Variants in DOCK2 observed in about 807,000 individuals in gnomAD.
DOCK2 encodes the protein dedicator of cytokinesis 2, also known as dedicator of cytokinesis protein 2.
DOCK2 carries 87 observed loss-of-function variants against 248.9 expected under a neutral mutation model. The observed-to-expected ratio is 0.35, with a 90% CI of 0.29 to 0.42. The LOEUF (loss-of-function observed/expected upper bound fraction) is 0.42, where lower values mean the gene tolerates loss of function less well. DOCK2 is among the 10% of genes least tolerant of loss of function. The pLI, the probability that DOCK2 is intolerant of heterozygous loss-of-function variation, is 1.00. For missense variants in DOCK2, 1,747 were observed against 2,300.2 expected (o/e 0.76, Z 4.92); for synonymous variants, 805 against 821.6 (o/e 0.98, Z 0.35).
At chr5:169,985,741 A>G in intron 28 of DOCK2, 87 bp from the exon 29 acceptor site, 4 of 1,142,514 alleles carry the variant, frequency 3.5e-6, no homozygotes, top group Non-Finnish European at 4.9e-6. Flanking sequence ...TCCCTCCAAA[A>G]TATAATAGCA....
chr5:170,018,992 G>A lies in DOCK2; in HGVS notation c.3265G>A (p.Val1089Ile). Residue 1089 changes from valine (V) to isoleucine (I), a missense_variant, in exon 33 of 52, where the codon GTA becomes ATA. Physicochemically the swap from Val to Ile is conservative, Grantham distance 29. This residue lies in a region of DOCK2 where 858 missense variants were observed against 1,183.5 expected (regional missense o/e 0.72). Coordinates refer to ENST00000520908, the MANE Select transcript of DOCK2 (RefSeq NM_004946.3). ...CAAAATCTGCTTCATCCCAGGCATG[G>A]TAGGACCTATATTAGAGATGACACT... ...QNKICFIPGMVGPILEMTLIP... is the reference protein window; with the variant it reads ...QNKICFIPGMIGPILEMTLIP... The A allele has an allele frequency of 2.5e-6, 4 of 1,614,052 alleles. No homozygotes were observed. Among genetic ancestry groups the A allele is most frequent in the Non-Finnish European group, 3.4e-6 (4 of 1,179,958 alleles).
chr5:169,691,856 T>TATTC (rs1760321293), intron 9 of DOCK2, among the ~76,000 whole-genome samples: 1 of 130,542 alleles, frequency 7.7e-6, no homozygotes, highest in Non-Finnish European at 1.5e-5. Flanking sequence ...TTTATTTATT[T>TATTC]TTATTTATTT....
intron 8 of DOCK2, among the ~76,000 whole-genome samples, chr5:169,686,186 G>T (rs1759969458): frequency 6.6e-6 from 1 of 152,164 alleles, no homozygotes; most frequent in African/African-American, 2.4e-5. Context: ...AGGCTCACTG[G>T]CTGCAGTTTC....
chr5:169,714,885 A>G (rs956076344), intron 19 of DOCK2, among the ~76,000 whole-genome samples: 1 of 152,188 alleles, frequency 6.6e-6, no homozygotes, highest in Non-Finnish European at 1.5e-5. Flanking sequence ...ATAAATGGTA[A>G]TTATTATTTT....
intron 27 of DOCK2, among the ~76,000 whole-genome samples, chr5:169,954,105 A>T (rs565499844): frequency 1.5e-3 from 228 of 152,356 alleles, no homozygotes; most frequent in Non-Finnish European, 2.8e-3. Flanking sequence ...TTTATCAAAC[A>T]TACTGAAAGT....
intron 33 of DOCK2, among the ~76,000 whole-genome samples, chr5:170,025,682 G>A (rs906598728): frequency 1.3e-5 from 2 of 152,156 alleles, no homozygotes; most frequent in Admixed American, 1.3e-4. Context: ...TTGACAGGAT[G>A]CACCATAGAA....
At chr5:170,031,356 C>T (rs1045566017) in intron 34 of DOCK2, among the ~76,000 whole-genome samples, 3 of 152,180 alleles carry the variant, frequency 2.0e-5, no homozygotes, top group Admixed American at 2.0e-4. Context: ...GATCCTCCCT[C>T]TAAAAGCCTC....
chr5:169,837,635 C>T (rs1221409719), intron 26 of DOCK2, among the ~76,000 whole-genome samples: 1 of 152,104 alleles, frequency 6.6e-6, no homozygotes, highest in Non-Finnish European at 1.5e-5. Context: ...GTTTATTCCT[C>T]AAACCAGTAA....
rs1763864732 is a variant in DOCK2 at position 169,750,981 on chromosome 5, A to G, written c.2376+3477A>G. On this transcript the variant is annotated intron_variant, in intron 23 of 51. Transcript: ENST00000520908. The stretch of plus-strand genomic sequence containing the variant: ...TTTGACCAGAGAGATGTGGACATGT[A>G]GCCTTAGGCACATCGTTTCAGCTTT... Among the ~76,000 whole-genome samples, 13 of 152,210 alleles carry G rather than the reference A, an allele frequency of 8.5e-5. 2 individuals are homozygous for G. In the South Asian group the frequency reaches 2.7e-3, roughly 32 times the overall value.
intron 26 of DOCK2, among the ~76,000 whole-genome samples, chr5:169,837,840 G>T (rs1186344749): frequency 6.6e-6 from 1 of 152,032 alleles, no homozygotes; most frequent in Admixed American, 6.6e-5. Flanking sequence ...AATTGAATTT[G>T]ACAGTTTTCT....
chr5:169,975,467 C>T (rs2113772756), intron 27 of DOCK2, among the ~76,000 whole-genome samples: 1 of 152,306 alleles, frequency 6.6e-6, no homozygotes, highest in South Asian at 2.1e-4. Flanking sequence ...TCTCTCTGAC[C>T]TCATCATATA....
chr5:169,736,565 C>T (rs1313519447), intron 22 of DOCK2, among the ~76,000 whole-genome samples: 1 of 152,178 alleles, frequency 6.6e-6, no homozygotes, highest in African/African-American at 2.4e-5. Flanking sequence ...AGATTTTCTA[C>T]CTGGGCTTTT....
chr5:169,985,275 G>A (rs1778037488), intron 28 of DOCK2, among the ~76,000 whole-genome samples: 1 of 151,878 alleles, frequency 6.6e-6, no homozygotes, highest in South Asian at 2.1e-4. Context: ...TCTAGTGAAG[G>A]GTGCTGAAGT....
At chr5:169,985,419 G>A (rs538218536) in intron 28 of DOCK2, among the ~76,000 whole-genome samples, 1 of 150,288 alleles carries the variant, frequency 6.7e-6, no homozygotes, top group African/African-American at 2.4e-5. Flanking sequence ...TGAATTAGCT[G>A]TATTTACAGC....
chr5:169,978,953 T>C (rs1358426941), intron 27 of DOCK2, among the ~76,000 whole-genome samples: 2 of 152,186 alleles, frequency 1.3e-5, no homozygotes, highest in Non-Finnish European at 1.5e-5. Context: ...GAGTCTCAGA[T>C]ACAATTTCTC....
In DOCK2 at chr5:169,727,056, C is replaced by T. The variant is rs574193625; in HGVS notation, c.2267+8265C>T. 1.6e-4 allele frequency among the ~76,000 whole-genome samples: 24 copies of T among 146,508 alleles called. No individual in the cohort carries two copies. The South Asian group carries it at 4.1e-3, about 25-fold the overall frequency. On this transcript the variant is annotated intron_variant, in intron 22 of 51. Coordinates refer to ENST00000520908, the MANE Select transcript of DOCK2 (RefSeq NM_004946.3). ...GCACTCCAGTCTGAGTGATAGAGTG[C>T]GACCCTGTCTCAAAAAAAAAAAAAA...
intron 39 of DOCK2, among the ~76,000 whole-genome samples, 198 bp from the exon 40 acceptor site, chr5:170,047,312 G>C (rs1756749260): frequency 6.6e-6 from 1 of 152,196 alleles, no homozygotes; most frequent in Non-Finnish European, 1.5e-5. Flanking sequence ...AGTGCAGGTA[G>C]AGTGATTAAC....
At chr5:170,063,375 G>A (rs1339476260) in intron 44 of DOCK2, among the ~76,000 whole-genome samples, 1 of 152,190 alleles carries the variant, frequency 6.6e-6, no homozygotes, top group Non-Finnish European at 1.5e-5. Context: ...ACAGAACAGA[G>A]AGATGGTTTT....
chr5:169,717,391 T>C lies in DOCK2; in HGVS notation c.2039T>C (p.Ile680Thr). 1 of 1,613,768 alleles carries C rather than the reference T, an allele frequency of 6.2e-7. No individual in the cohort carries two copies. The highest frequency in any genetic ancestry group is 8.5e-7 in the Non-Finnish European group (1 of 1,179,702). The change falls in exon 21 of 52, where the codon ATA becomes ACA. Residue 680 changes from isoleucine (I) to threonine (T), a missense_variant. By Grantham distance (89) the Ile-to-Thr change is moderately conservative. Around this residue, in one of 4 missense-constraint regions of DOCK2, gnomAD observed 858 missense variants for 1,183.5 expected, o/e 0.72. Coordinates refer to ENST00000520908, the MANE Select transcript of DOCK2 (RefSeq NM_004946.3). ...GCCTTGCATCTTCCTCAGATTTACA[T>C]AATAGGACTCATTGCAGACCGGAAA... is the stretch of plus-strand genomic sequence containing the variant. ...DILVFDALIY[I>T]IGLIADRKFQ...
Sources: gnomAD v4.1 joint callset for allele counts (sites outside exome capture counted in the v4.1 genomes callset) on GRCh38, gnomAD v4.1.1 for gene constraint, gnomAD v4.1.1 regional missense constraint, MANE v1.5 for transcripts, NCBI Gene and HGNC (gene_info 2026-07-23, HGNC 2026-07-21) for gene names.